Variants in FGF12 observed in about 807,000 individuals in gnomAD.
FGF12 encodes fibroblast growth factor 12.
Under a neutral mutation model 23.6 loss-of-function variants are expected in FGF12, and 14 were observed. The observed-to-expected ratio is 0.59, with a 90% CI of 0.39 to 0.93. The LOEUF (loss-of-function observed/expected upper bound fraction) is 0.93. Ranked by LOEUF, FGF12 falls within the 40% of genes least tolerant of loss-of-function variation. The probability of loss-of-function intolerance (pLI) is 0.00; values close to 1 mark genes in which losing one functional copy is unlikely to be tolerated. For synonymous variants in FGF12, 62 were observed against 77.3 expected (o/e 0.80, Z 1.04); for missense variants, 175 against 217.8 (o/e 0.80, Z 1.24).
chr3:192,715,863 C>T lies in FGF12; in HGVS notation c.13+11318G>A, dbSNP rs563432668. Among the ~76,000 whole-genome samples the T allele has an allele frequency of 2.8e-4, 43 of 152,308 alleles. No homozygotes were observed. The East Asian group carries it at 3.3e-3, about 12-fold the overall frequency. ...TGTGCATGGCACAGATAAATGGATA[C>T]GTCCAAGCATGGATCCTTGTATTAA... is the stretch of plus-strand genomic sequence containing the variant. On this transcript the variant is annotated intron_variant, in intron 2 of 5. Coordinates refer to ENST00000445105, the MANE Select transcript of FGF12 (RefSeq NM_004113.6).
At chr3:192,570,360 A>G (rs1373377556) in intron 2 of FGF12, among the ~76,000 whole-genome samples, 1 of 152,214 alleles carries the variant, frequency 6.6e-6, no homozygotes, top group Non-Finnish European at 1.5e-5. Flanking sequence ...GATTTTAGTT[A>G]CAGATAAATA....
At chr3:192,375,438 C>T (rs1455728217) in intron 2 of FGF12, among the ~76,000 whole-genome samples, 1 of 152,156 alleles carries the variant, frequency 6.6e-6, no homozygotes, top group African/African-American at 2.4e-5. Context: ...ACATATCTAA[C>T]ATAAAGGTGT....
At position 192,688,504 on chromosome 3, in the gene FGF12, G is replaced by A. The variant is rs117163175; in HGVS notation, c.13+38677C>T. Among the ~76,000 whole-genome samples, 3 of 152,244 alleles carry A rather than the reference G, an allele frequency of 2.0e-5. No homozygotes were observed. The East Asian group carries it at 5.8e-4, about 29-fold the overall frequency. On this transcript the variant is annotated intron_variant, in intron 2 of 5. Coordinates refer to ENST00000445105, the MANE Select transcript of FGF12 (RefSeq NM_004113.6). ...AGAATCAGAGGAATATGAAACCAAAGGAACACAATAAACTTCTAATAAGTG... is the reference window on the plus strand; with the variant it reads ...AGAATCAGAGGAATATGAAACCAAAAGAACACAATAAACTTCTAATAAGTG...
At chr3:192,522,753 T>A (rs574824774) in intron 2 of FGF12, among the ~76,000 whole-genome samples, 70 of 152,366 alleles carry the variant, frequency 4.6e-4, no homozygotes, top group South Asian at 1.0e-3. Context: ...AGTAATGTGC[T>A]ACAATTTTTT....
At chr3:192,422,971 A>C (rs377112863) in intron 2 of FGF12, among the ~76,000 whole-genome samples, 4 of 152,272 alleles carry the variant, frequency 2.6e-5, no homozygotes, top group South Asian at 4.1e-4. Context: ...GAATGCTCTC[A>C]GCTATAAGAG....
intron 4 of FGF12, among the ~76,000 whole-genome samples, chr3:192,307,214 C>T (rs1361959620): frequency 6.6e-6 from 1 of 152,084 alleles, no homozygotes; most frequent in Admixed American, 6.6e-5. Context: ...GAGACAGAGA[C>T]AGAAAAATTC....
chr3:192,707,805 C>CTT (rs1718524040), intron 2 of FGF12, among the ~76,000 whole-genome samples: 1 of 145,742 alleles, frequency 6.9e-6, no homozygotes, highest in Non-Finnish European at 1.5e-5. Context: ...TTTTCTTTCT[C>CTT]ATTTTTAGAA....
intron 4 of FGF12, among the ~76,000 whole-genome samples, chr3:192,332,945 A>T (rs577345900): frequency 4.5e-4 from 68 of 152,272 alleles, no homozygotes; most frequent in African/African-American, 1.5e-3. Context: ...AAGCATTGTG[A>T]TTCTAGATGT....
intron 4 of FGF12, among the ~76,000 whole-genome samples, chr3:192,309,250 C>T (rs1715812334): frequency 6.6e-6 from 1 of 152,118 alleles, no homozygotes; most frequent in African/African-American, 2.4e-5. Context: ...CAGGGAAAAC[C>T]AAAGCAGAAA....
intron 4 of FGF12, among the ~76,000 whole-genome samples, chr3:192,211,935 C>T (rs1023469281): frequency 6.6e-6 from 1 of 152,172 alleles, no homozygotes; most frequent in Non-Finnish European, 1.5e-5. Flanking sequence ...TAGACTCTTG[C>T]TACAAAGTGA....
chr3:192,541,977 C>T (rs1725377757), intron 2 of FGF12, among the ~76,000 whole-genome samples: 1 of 151,452 alleles, frequency 6.6e-6, no homozygotes. Flanking sequence ...ACGTTGGGGG[C>T]CTCAGCCTCC....
chr3:192,291,758 T>G (rs747260168), intron 4 of FGF12, among the ~76,000 whole-genome samples: 2 of 152,024 alleles, frequency 1.3e-5, no homozygotes, highest in Non-Finnish European at 2.9e-5. Flanking sequence ...AATAAATATA[T>G]GGAAACAAAT....
intron 2 of FGF12, among the ~76,000 whole-genome samples, chr3:192,541,509 T>C (rs1725363312): frequency 6.6e-6 from 1 of 152,202 alleles, no homozygotes; most frequent in Non-Finnish European, 1.5e-5. Flanking sequence ...TTGTAGTTTA[T>C]TTTTGATTGG....
At chr3:192,564,506 C>G (rs1712192672) in intron 2 of FGF12, among the ~76,000 whole-genome samples, 1 of 152,172 alleles carries the variant, frequency 6.6e-6, no homozygotes. Flanking sequence ...TTTAAGGCAG[C>G]AGGTGATATG....
At chr3:192,331,311 C>CAAAAAAAAAAAAA (rs201997868) in intron 4 of FGF12, among the ~76,000 whole-genome samples, 24 of 95,936 alleles carry the variant, frequency 2.5e-4, no homozygotes, top group East Asian at 6.4e-4. Context: ...GGAGTTTTCT[C>CAAAAAAAAAAAAA]AAAAAAAAAA....
At chr3:192,668,930 A>G (rs1172485286) in intron 2 of FGF12, among the ~76,000 whole-genome samples, 14 of 152,208 alleles carry the variant, frequency 9.2e-5, no homozygotes, top group African/African-American at 2.9e-4. Context: ...AATAACCATG[A>G]TAAGAATTGA....
At chr3:192,154,386 C>T (rs1198627136) in intron 5 of FGF12, among the ~76,000 whole-genome samples, 19 of 122,212 alleles carry the variant, frequency 1.6e-4, no homozygotes, top group South Asian at 1.4e-3. Context: ...GGAGGAGAGA[C>T]GCTCTGCATT....
At chr3:192,393,225 G>A (rs947276925) in intron 2 of FGF12, among the ~76,000 whole-genome samples, 5 of 152,144 alleles carry the variant, frequency 3.3e-5, no homozygotes, top group African/African-American at 9.7e-5. Flanking sequence ...GTTCTTTACC[G>A]TGTTCTACGT....
chr3:192,370,880 G>A (rs548499171), intron 2 of FGF12, among the ~76,000 whole-genome samples: 78 of 152,304 alleles, frequency 5.1e-4, no homozygotes, highest in African/African-American at 1.7e-3. Context: ...ATCCGAATCC[G>A]AATCAATCGT....
Sources: gnomAD v4.1 joint callset for allele counts (sites outside exome capture counted in the v4.1 genomes callset) on GRCh38, gnomAD v4.1.1 for gene constraint, MANE v1.5 for transcripts, NCBI Gene and HGNC (gene_info 2026-07-23, HGNC 2026-07-21) for gene names.